The following RORC variants were observed in gnomAD, a reference collection of about 807,000 sequenced individuals.
The protein encoded by RORC is nuclear receptor ROR-gamma.
RORC carries 13 observed loss-of-function variants against 64.5 expected under a neutral mutation model. The ratio of observed to expected loss-of-function variants is 0.20; its 90% CI spans 0.13 to 0.32. RORC has a LOEUF of 0.32. RORC is among the 10% of genes least tolerant of loss of function. RORC has a pLI of 1.00. For synonymous variants in RORC, 277 were observed against 259.3 expected, an observed-to-expected ratio of 1.07 and a Z score of -0.65; for missense variants, 468 against 669.5, an observed-to-expected ratio of 0.70 and a Z score of 3.32.
In RORC at chr1:151,812,983, T is replaced by A; in HGVS notation, c.1249A>T (p.Ile417Phe). Residue 417 changes from isoleucine (I) to phenylalanine (F), a missense_variant, in exon 9 of 11, where the codon ATT (isoleucine) becomes TTT (phenylalanine). Coordinates refer to ENST00000318247, the MANE Select transcript of RORC (RefSeq NM_005060.4). ...LSALHFSEDE[I>F]ALYTALVLIN... ...AGAACAAGGGCTGTGTAGAGGGCAA[T>A]CTCATCCTCGGAAAAGTGCAAGGCA... The A allele has an allele frequency of 6.2e-7, 1 of 1,613,988 alleles. No homozygotes were observed. The highest frequency in any genetic ancestry group is 8.5e-7 in the Non-Finnish European group (1 of 1,179,926).
rs866525740 is a variant in RORC at position 151,830,830 on chromosome 1, T to G, written c.40+895A>C. The G allele has an allele frequency of 1.4e-5, 5 of 365,636 alleles. No homozygotes were observed. The highest frequency in any genetic ancestry group is 6.7e-5 in the South Asian group (2 of 29,766). 22.6% of individuals were successfully genotyped at this position (365,636 alleles called of 1,614,324 possible). ...CCGCCCACCTCCCCTTGCTCCTGCCTGGCCCCACCCAGCTTCCTCCCTGAC... is the reference window on the plus strand; with the variant it reads ...CCGCCCACCTCCCCTTGCTCCTGCCGGGCCCCACCCAGCTTCCTCCCTGAC... On this transcript the variant is annotated intron_variant, in intron 1 of 10. Transcript: ENST00000318247. The surrounding 1 kb of genome is among the most constrained non-coding windows in gnomAD (Gnocchi z 4.0).
At position 151,811,343 on chromosome 1, in the gene RORC, G is replaced by A; in HGVS notation, c.1377C>T (p.Arg459=). 6.2e-7 allele frequency: 1 copy of A among 1,612,908 alleles called. No individual in the cohort carries two copies. The highest frequency in any genetic ancestry group is 2.2e-5 in the East Asian group (1 of 44,868). ...CTCCTACCTTTGCCAGGATGCTTTG[G>A]CGATGAGTCTTGCAGAGATGATGAT... ...AFHHHLCKTH[R]QSILAKLPPK... Residue 459 remains arginine, a synonymous_variant, in exon 10 of 11, where the codon CGC becomes CGT. Transcript: ENST00000318247.
chr1:151,810,677 G>A (rs759594941), intron 10 of RORC, among the ~76,000 whole-genome samples: 4 of 152,036 alleles, frequency 2.6e-5, no homozygotes, highest in African/African-American at 4.8e-5. Flanking sequence ...GTCTACAGGC[G>A]CCTGCCACCA....
chr1:151,811,365 T>C lies in RORC; in HGVS notation c.1355A>G (p.His452Arg). Residue 452 changes from histidine to arginine, a missense_variant, in exon 10 of 11, where the codon CAT (histidine) becomes CGT (arginine). Around this residue, in one of 5 missense-constraint regions of RORC, gnomAD observed 93 missense variants for 116.6 expected, o/e 0.80. Coordinates refer to ENST00000318247, the MANE Select transcript of RORC (RefSeq NM_005060.4). ...TTGGCGATGAGTCTTGCAGAGATGATGATGAAAGGCCAGCTCCAGATTGTA... is the reference window on the plus strand; with the variant it reads ...TTGGCGATGAGTCTTGCAGAGATGACGATGAAAGGCCAGCTCCAGATTGTA... ...LQYNLELAFHHHLCKTHRQSI... is the reference protein window; with the variant it reads ...LQYNLELAFHRHLCKTHRQSI... 1 of 1,614,054 alleles carries C rather than the reference T, an allele frequency of 6.2e-7. No homozygotes were observed. Among genetic ancestry groups the C allele is most frequent in the Non-Finnish European group, 8.5e-7 (1 of 1,179,954 alleles).
intron 8 of RORC, 86 bp downstream of exon 8, chr1:151,813,153 G>T (rs1028798447): frequency 1.4e-6 from 2 of 1,465,710 alleles, no homozygotes; most frequent in East Asian, 2.3e-5. Flanking sequence ...GGGGCAATTC[G>T]CCCTGAAAAG....
At chr1:151,809,442 A>AT (rs942505650) in intron 10 of RORC, among the ~76,000 whole-genome samples, 1 of 152,092 alleles carries the variant, frequency 6.6e-6, no homozygotes, top group African/African-American at 2.4e-5. Flanking sequence ...CAAGAAAAAA[A>AT]CCACAGGAGT....
chr1:151,831,543 T>G, intron 1 of RORC, 182 bp downstream of exon 1: 1 of 586,748 alleles, frequency 1.7e-6, no homozygotes, highest in Non-Finnish European at 2.1e-6. Context: ...TCCTCTGTCA[T>G]CTCCCCAGCC....
chr1:151,817,148 G>C, intron 3 of RORC, 47 bp downstream of exon 3: 1 of 1,275,928 alleles, frequency 7.8e-7, no homozygotes, highest in Non-Finnish European at 1.1e-6. Flanking sequence ...GCGCGCGCTT[G>C]TGTATGCACA....
At chr1:151,813,119 G>A (rs757547450) in intron 8 of RORC, 62 bp from the exon 9 acceptor site, 92 of 1,448,872 alleles carry the variant, frequency 6.3e-5, no homozygotes, top group Non-Finnish European at 7.6e-5. Context: ...CGAGGACACC[G>A]CCCTTATTGT....
At position 151,813,483 on chromosome 1, in the gene RORC, G is replaced by A; in HGVS notation, c.1066+5C>T. On this transcript the variant is annotated splice_donor_5th_base_variant and intron_variant, in intron 7 of 10. Transcript: ENST00000318247. ...CCCCAGGCCTGCCCACCCATCCCTGGGCACCTGCTTTGAGAAGCACAATCT... is the reference window on the plus strand; with the variant it reads ...CCCCAGGCCTGCCCACCCATCCCTGAGCACCTGCTTTGAGAAGCACAATCT... 1 of 1,614,054 alleles carries A rather than the reference G, an allele frequency of 6.2e-7. No individual in the cohort carries two copies. The highest frequency in any genetic ancestry group is 8.5e-7 in the Non-Finnish European group (1 of 1,179,996).
chr1:151,807,397 A>T lies in RORC; in HGVS notation c.*75T>A. 6.9e-7 allele frequency: 1 copy of T among 1,454,002 alleles called. No homozygotes were observed. Among genetic ancestry groups the T allele is most frequent in the Non-Finnish European group, 9.5e-7 (1 of 1,056,626 alleles). The allele number at this position is 1,454,002 out of a possible 1,614,324, so 90.1% of individuals were successfully genotyped here. A position where few individuals can be genotyped will look rare whatever the true frequency, so the allele number is the denominator to read the frequency against. On this transcript the variant is annotated 3_prime_UTR_variant, in exon 11 of 11. Coordinates refer to ENST00000318247, the MANE Select transcript of RORC (RefSeq NM_005060.4). The surrounding 1 kb of genome is among the most constrained non-coding windows in gnomAD (Gnocchi z 5.0). ...CCTCCAGGGTTCATGGGAAAGGAAA[A>T]GGGTGAGGGTGGAACGGGGTCCAGG...
Position 151,830,240 on chromosome 1 carries a change from C to T in RORC, c.41-782G>A, listed in dbSNP as rs896119702. 2.7e-4 allele frequency among the ~76,000 whole-genome samples: 41 copies of T among 151,968 alleles called. No homozygotes were observed. Among genetic ancestry groups the T allele is most frequent in the Admixed American group, 1.2e-3 (18 of 15,252 alleles). On this transcript the variant is annotated intron_variant, in intron 1 of 10. Coordinates refer to ENST00000318247, the MANE Select transcript of RORC (RefSeq NM_005060.4). This position sits in a 1 kb window ranked among gnomAD's most constrained non-coding sequence, Gnocchi z 4.0. The stretch of plus-strand genomic sequence containing the variant: ...AGGCCTCCCTTCTCTGCTGCTGCTG[C>T]GTGGCCGGGTCTGGGTGGAGATTGG...
chr1:151,825,847 A>G, intron 2 of RORC: 1 of 1,541,164 alleles, frequency 6.5e-7, no homozygotes, highest in Admixed American at 1.7e-5. Context: ...ATTTGCTCAC[A>G]CTGTTCCCAA....
chr1:151,823,418 G>A (rs1451652501), intron 2 of RORC, among the ~76,000 whole-genome samples: 5 of 152,296 alleles, frequency 3.3e-5, no homozygotes, highest in South Asian at 2.1e-4. Context: ...TCTCTTTGGC[G>A]TACAGACACA....
chr1:151,812,195 A>G (rs373785040), intron 9 of RORC: 1 of 152,222 alleles, frequency 6.6e-6, no homozygotes. Flanking sequence ...ACCCCTTATC[A>G]ATTACAGATG....
intron 4 of RORC, 25 bp downstream of exon 4, chr1:151,816,639 C>T (rs1454923567): frequency 6.3e-7 from 1 of 1,590,756 alleles, no homozygotes; most frequent in Non-Finnish European, 8.6e-7. Context: ...AGGAAAACCC[C>T]AGGGGGCTGT....
intron 2 of RORC, among the ~76,000 whole-genome samples, chr1:151,821,724 C>T (rs370854056): frequency 1.8e-4 from 27 of 152,214 alleles, no homozygotes; most frequent in East Asian, 1.7e-3. Flanking sequence ...GAGGATAAGA[C>T]GCCCAAATGC....
rs937746273 is a variant in RORC at position 151,806,884 on chromosome 1, G to A, written c.*588C>T. 2 of 152,214 alleles carry A rather than the reference G, an allele frequency of 1.3e-5. No individual in the cohort carries two copies. Among genetic ancestry groups the A allele is most frequent in the South Asian group, 2.1e-4 (1 of 4,834 alleles). 9.4% of individuals were successfully genotyped at this position (152,214 alleles called of 1,614,324 possible). ...CTCATCCTCATCCCATCCATTTTTG[G>A]TTAGACCCCAGGTAAAGGGTAGGGT... On this transcript the variant is annotated 3_prime_UTR_variant, in exon 11 of 11. Transcript: ENST00000318247.
Position 151,830,725 on chromosome 1 carries a change from C to G in RORC, c.40+1000G>C, listed in dbSNP as rs570024368. 6.6e-6 allele frequency among the ~76,000 whole-genome samples: 1 copy of G among 151,538 alleles called. No individual in the cohort carries two copies. Among genetic ancestry groups the G allele is most frequent in the East Asian group, 1.9e-4 (1 of 5,138 alleles). On this transcript the variant is annotated intron_variant, in intron 1 of 10. Transcript: ENST00000318247. This position sits in a 1 kb window ranked among gnomAD's most constrained non-coding sequence, Gnocchi z 4.0. The stretch of plus-strand genomic sequence containing the variant: ...CCGTGGTCACTAGGCTGTGTGGAGG[C>G]GAGTGGCCTGATGGCCTGGGCTCTG...
Sources: gnomAD v4.1 joint callset for allele counts (sites outside exome capture counted in the v4.1 genomes callset) on GRCh38, gnomAD v4.1.1 for gene constraint, gnomAD v4.1.1 regional missense constraint, Gnocchi (gnomAD v3.1) non-coding constraint, MANE v1.5 for transcripts, NCBI Gene and HGNC (gene_info 2026-07-23, HGNC 2026-07-21) for gene names.